Variants in NRP1 observed in about 807,000 individuals in gnomAD.
NRP1 encodes the protein neuropilin 1, also known as neuropilin-1.
NRP1 carries 35 observed loss-of-function variants against 106.7 expected under a neutral mutation model. The ratio of observed to expected loss-of-function variants is 0.33; its 90% CI spans 0.25 to 0.43. The LOEUF is 0.43. Ranked by LOEUF, NRP1 falls within the 20% of genes least tolerant of loss-of-function variation. NRP1 has a pLI of 1.00. For missense variants in NRP1, 1,024 were observed against 1,170.4 expected (o/e 0.87, Z 1.83); for synonymous variants, 437 against 417.9 (o/e 1.05, Z -0.56).
At chr10:33,303,402 T>A (rs563766171) in intron 2 of NRP1, among the ~76,000 whole-genome samples, 1 of 152,224 alleles carries the variant, frequency 6.6e-6, no homozygotes, top group Admixed American at 6.5e-5. Flanking sequence ...ATCTCATTAT[T>A]TGGATAAACT....
chr10:33,264,361 T>C (rs1367475114), intron 3 of NRP1, among the ~76,000 whole-genome samples: 2 of 152,220 alleles, frequency 1.3e-5, no homozygotes, highest in Non-Finnish European at 2.9e-5. Context: ...ATGTGACCTA[T>C]GCCTCTTTGA....
chr10:33,305,163 G>A (rs1458248633), intron 2 of NRP1, among the ~76,000 whole-genome samples: 1 of 152,194 alleles, frequency 6.6e-6, no homozygotes, highest in African/African-American at 2.4e-5. Context: ...ATATTTAGGT[G>A]AATAACTATT....
At chr10:33,249,452 C>T (rs770012088) in intron 6 of NRP1, 2 of 526,162 alleles carry the variant, frequency 3.8e-6, no homozygotes, top group Admixed American at 2.0e-5. Context: ...GGAAAAGAAA[C>T]TCAGTTTCAA....
rs1010994752 is a variant in NRP1, at chr10:33,257,934, G to T, written c.659-1463C>A. Among the ~76,000 whole-genome samples the T allele has an allele frequency of 2.6e-5, 4 of 152,108 alleles. No homozygotes were observed. The South Asian group carries it at 6.2e-4, about 24-fold the overall frequency. On this transcript the variant is annotated intron_variant, in intron 4 of 16. Transcript: ENST00000374867. ...TCCCCTCCAAGAAATCCATGGTTCT[G>T]TGCGTTTCAACTAAGAATGATTGCT...
In NRP1 at chr10:33,316,554, A is replaced by T. The variant is rs554416454; in HGVS notation, c.248+14154T>A. Among the ~76,000 whole-genome samples the T allele has an allele frequency of 1.1e-4, 17 of 152,362 alleles. No individual in the cohort carries two copies. In the South Asian group the frequency reaches 3.1e-3, roughly 28 times the overall value. ...ATCTGAGCCTAGTGGCTAAGATCAAAAAGCTTATTCAGAGGAAAAATTCAG... is the reference window on the plus strand; with the variant it reads ...ATCTGAGCCTAGTGGCTAAGATCAATAAGCTTATTCAGAGGAAAAATTCAG... On this transcript the variant is annotated intron_variant, in intron 2 of 16. Transcript: ENST00000374867.
At chr10:33,301,444 C>T (rs1206311003) in intron 2 of NRP1, among the ~76,000 whole-genome samples, 4 of 152,168 alleles carry the variant, frequency 2.6e-5, no homozygotes, top group Admixed American at 2.6e-4. Flanking sequence ...GGGTGGAAGT[C>T]AAGGAGGCTG....
intron 3 of NRP1, among the ~76,000 whole-genome samples, chr10:33,267,173 C>G (rs1842982275): frequency 6.6e-6 from 1 of 152,196 alleles, no homozygotes; most frequent in Non-Finnish European, 1.5e-5. Context: ...AGAAGCTGAG[C>G]AGGTGTGAAC....
intron 2 of NRP1, among the ~76,000 whole-genome samples, chr10:33,329,982 G>A (rs1485979752): frequency 6.6e-6 from 1 of 152,146 alleles, no homozygotes; most frequent in African/African-American, 2.4e-5. Flanking sequence ...TCATAATAAC[G>A]AAATTGGGCA....
intron 2 of NRP1, among the ~76,000 whole-genome samples, chr10:33,324,159 A>T (rs1442227251): frequency 6.6e-6 from 1 of 152,246 alleles, no homozygotes; most frequent in Non-Finnish European, 1.5e-5. Context: ...TTTATTAAAC[A>T]CACGAGGCTC....
At chr10:33,243,712 C>T (rs568127150) in intron 6 of NRP1, among the ~76,000 whole-genome samples, 20 of 152,346 alleles carry the variant, frequency 1.3e-4, no homozygotes, top group South Asian at 6.2e-4. Flanking sequence ...CATATGTCAT[C>T]ATCCTCAATC....
chr10:33,221,619 C>T (rs1839245002), intron 8 of NRP1, 100 bp downstream of exon 8: 1 of 1,247,274 alleles, frequency 8.0e-7, no homozygotes, highest in Admixed American at 1.9e-5. Context: ...AAAATGATTG[C>T]ATTTACAAAC....
Position 33,313,663 on chromosome 10 carries a change from C to T in NRP1, c.248+17045G>A, listed in dbSNP as rs1846777636. Among the ~76,000 whole-genome samples, 3 of 152,180 alleles carry T rather than the reference C, an allele frequency of 2.0e-5. No homozygotes were observed. The South Asian group carries it at 6.2e-4, about 31-fold the overall frequency. On this transcript the variant is annotated intron_variant, in intron 2 of 16. Coordinates refer to ENST00000374867, the MANE Select transcript of NRP1 (RefSeq NM_003873.7). ...ATGAAGAGACAAAGGCCCAGAAAGTCTCAATACTTGAGCTCACAGCTAATT... is the reference window on the plus strand; with the variant it reads ...ATGAAGAGACAAAGGCCCAGAAAGTTTCAATACTTGAGCTCACAGCTAATT...
intron 6 of NRP1, among the ~76,000 whole-genome samples, chr10:33,241,360 G>A (rs149356846): frequency 3.3e-5 from 5 of 152,140 alleles, no homozygotes; most frequent in East Asian, 1.9e-4. Context: ...AAAATCTATC[G>A]ATACTAATCT....
At chr10:33,253,405 A>G (rs536389571) in intron 6 of NRP1, among the ~76,000 whole-genome samples, 1 of 152,318 alleles carries the variant, frequency 6.6e-6, no homozygotes, top group African/African-American at 2.4e-5. Context: ...AGGAAAGCAG[A>G]GGTAGCATCA....
At chr10:33,197,583 G>A (rs1032527710) in intron 12 of NRP1, 67 bp downstream of exon 12, 26 of 1,270,694 alleles carry the variant, frequency 2.0e-5, no homozygotes, top group Admixed American at 1.6e-4. Context: ...AACTGAAAGC[G>A]AGGAGCGCAG....
At position 33,186,301 on chromosome 10, in the gene NRP1, C is replaced by T. The variant is rs1299103186; in HGVS notation, c.2250G>A (p.Gln750=). 3 of 1,614,170 alleles carry T rather than the reference C, an allele frequency of 1.9e-6. No individual in the cohort carries two copies. Among genetic ancestry groups the T allele is most frequent in the Non-Finnish European group, 2.5e-6 (3 of 1,180,028 alleles). Residue 750 remains glutamine, a synonymous_variant, in exon 14 of 17, where the codon CAG becomes CAA. Coordinates refer to ENST00000374867, the MANE Select transcript of NRP1 (RefSeq NM_003873.7). Reference sequence around the variant, plus strand: ...GGTGTCCAATGGCCATCCAGACCAGCTGATCGTACTCCTCTGGCTTCTGGT... The same window carrying T: ...GGTGTCCAATGGCCATCCAGACCAGTTGATCGTACTCCTCTGGCTTCTGGT... ...LRYQKPEEYD[Q]LVWMAIGHQG...
chr10:33,194,068 G>A (rs1408353546), intron 12 of NRP1, among the ~76,000 whole-genome samples: 1 of 152,114 alleles, frequency 6.6e-6, no homozygotes, highest in African/African-American at 2.4e-5. Flanking sequence ...TTCATGTCTA[G>A]TCTATCATAG....
At chr10:33,310,361 C>T (rs1021477194) in intron 2 of NRP1, among the ~76,000 whole-genome samples, 2 of 150,358 alleles carry the variant, frequency 1.3e-5, no homozygotes, top group Non-Finnish European at 3.0e-5. Flanking sequence ...AGCGATTCTC[C>T]TGCCTCAGCC....
At chr10:33,283,928 T>C (rs937350625) in intron 2 of NRP1, among the ~76,000 whole-genome samples, 4 of 152,158 alleles carry the variant, frequency 2.6e-5, no homozygotes, top group Non-Finnish European at 5.9e-5. Context: ...AAGGGGAACA[T>C]ACAACCCCCA....
Sources: allele counts gnomAD v4.1 joint callset (sites outside exome capture counted in the v4.1 genomes callset), GRCh38; gene constraint gnomAD v4.1.1; transcripts MANE v1.5; gene names NCBI Gene and HGNC (gene_info 2026-07-23, HGNC 2026-07-21).